TAS1R2: variants seen among roughly 807,000 people sequenced by gnomAD.
TAS1R2 encodes the protein taste receptor type 1 member 2.
Under a neutral mutation model 49.3 loss-of-function variants are expected in TAS1R2, and 47 were observed. The ratio of observed to expected loss-of-function variants is 0.95; its 90% CI spans 0.75 to 1.22. The LOEUF is 1.22. Ranked by LOEUF, TAS1R2 falls within the 50% of genes most tolerant of loss-of-function variation. TAS1R2 has a pLI of 0.00. For missense variants in TAS1R2, 1,155 were observed against 1,122.1 expected, an observed-to-expected ratio of 1.03 and a Z score of -0.42; for synonymous variants, 479 against 467.9, an observed-to-expected ratio of 1.02 and a Z score of -0.31.
intron 2 of TAS1R2, 41 bp downstream of exon 2, chr1:18,857,289 GC>G (rs746600375): frequency 5.0e-6 from 8 of 1,587,892 alleles, no homozygotes; most frequent in South Asian, 2.3e-5. Context: ...CCATTCCTCT[GC>G]CCCCCTCCCC....
chr1:18,843,143 A>G (rs1004992114), intron 4 of TAS1R2, among the ~76,000 whole-genome samples: 1 of 152,220 alleles, frequency 6.6e-6, no homozygotes, highest in African/African-American at 2.4e-5. Flanking sequence ...TTCACTCTCG[A>G]TCTCAATGTA....
chr1:18,854,433 C>T lies in TAS1R2; in HGVS notation c.1037G>A (p.Gly346Glu), dbSNP rs779315050. ...GCTGGTCCTGCTGAGGGGTGGCGGC[C>T]CAGCCTGTGGGCCCCACTCGCGGAA... Residue 346 changes from glycine (G) to glutamate (E), a missense_variant, in exon 3 of 6, where the codon GGG (glycine) becomes GAG (glutamate). By Grantham distance (98) the Gly-to-Glu change is moderately conservative (BLOSUM62 -2). Transcript: ENST00000375371. This position sits in a 1 kb window ranked among gnomAD's most constrained non-coding sequence, Gnocchi z 4.9. The T allele has an allele frequency of 2.7e-5, 44 of 1,614,000 alleles. No individual in the cohort carries two copies. The highest frequency in any genetic ancestry group is 3.5e-5 in the Non-Finnish European group (41 of 1,180,030).
At chr1:18,845,913 G>A (rs993757179) in intron 4 of TAS1R2, among the ~76,000 whole-genome samples, 1 of 152,196 alleles carries the variant, frequency 6.6e-6, no homozygotes, top group Non-Finnish European at 1.5e-5. Flanking sequence ...GTAAGCAGAA[G>A]AGAGAGATGA....
intron 4 of TAS1R2, among the ~76,000 whole-genome samples, chr1:18,843,149 A>G (rs920961095): frequency 7.2e-5 from 11 of 152,222 alleles, no homozygotes; most frequent in African/African-American, 2.4e-4. Flanking sequence ...CTCGATCTCA[A>G]TGTAGTCCAC....
intron 1 of TAS1R2, among the ~76,000 whole-genome samples, chr1:18,858,911 T>G (rs1257859678): frequency 6.6e-6 from 1 of 152,200 alleles, no homozygotes; most frequent in African/African-American, 2.4e-5. Context: ...AAGAGGTCAC[T>G]CTTTTTTAGT....
chr1:18,848,374 C>T (rs927483688), intron 4 of TAS1R2, among the ~76,000 whole-genome samples: 1 of 147,222 alleles, frequency 6.8e-6, no homozygotes, highest in African/African-American at 2.5e-5. Flanking sequence ...GTTTACTTTG[C>T]AGAGGTCTCT....
chr1:18,854,370 A>G lies in TAS1R2; in HGVS notation c.1100T>C (p.Leu367Pro). Reference sequence around the variant, plus strand: ...GGTGTTGAAGGACAAGGTGGCGTTCAGGCAGTTGTCGCACTCCTGGTTGCA... The same window carrying G: ...GGTGTTGAAGGACAAGGTGGCGTTCGGGCAGTTGTCGCACTCCTGGTTGCA... Residue 367 changes from leucine (L) to proline (P), a missense_variant, in exon 3 of 6, where the codon CTG becomes CCG. By Grantham distance (98) the Leu-to-Pro change is moderately conservative (BLOSUM62 -3). Coordinates refer to ENST00000375371, the Ensembl canonical transcript of TAS1R2. The surrounding 1 kb of genome is among the most constrained non-coding windows in gnomAD (Gnocchi z 4.9). The G allele has an allele frequency of 6.2e-7, 1 of 1,613,906 alleles. No individual in the cohort carries two copies. Among genetic ancestry groups the G allele is most frequent in the Non-Finnish European group, 8.5e-7 (1 of 1,179,900 alleles).
At chr1:18,857,247 T>C (rs1322303303) in intron 2 of TAS1R2, 84 bp downstream of exon 2, 18 of 1,427,922 alleles carry the variant, frequency 1.3e-5, no homozygotes, top group Non-Finnish European at 1.6e-5. Context: ...CCATGATTGA[T>C]GGAGGAAGTG....
chr1:18,849,210 A>G, intron 4 of TAS1R2, 131 bp downstream of exon 4: 1 of 989,704 alleles, frequency 1.0e-6, no homozygotes, highest in East Asian at 2.6e-5. Context: ...ATACACCCAC[A>G]AATAGACATC....
At position 18,854,892 on chromosome 1, in the gene TAS1R2, G is replaced by A; in HGVS notation, c.578C>T (p.Ala193Val). 6.2e-7 allele frequency: 1 copy of A among 1,613,088 alleles called. No individual in the cohort carries two copies. Among genetic ancestry groups the A allele is most frequent in the Non-Finnish European group, 8.5e-7 (1 of 1,179,896 alleles). Residue 193 changes from alanine to valine, a missense_variant, in exon 3 of 6, where the codon GCC (alanine) becomes GTC (valine). Transcript: ENST00000375371. The surrounding 1 kb of genome is among the most constrained non-coding windows in gnomAD (Gnocchi z 4.9). ...GAAGTGCAGCATCAGCTGCACCATG[G>A]CCTCGATGTGGTGGTCGGCGCTGGG...
chr1:18,850,194 G>A (rs1270223625), intron 3 of TAS1R2, among the ~76,000 whole-genome samples: 3 of 152,118 alleles, frequency 2.0e-5, no homozygotes, highest in Admixed American at 6.5e-5. Context: ...GGCATCCTCC[G>A]ACCTAAAGTC....
At chr1:18,844,763 AAG>A (rs1438685666) in intron 4 of TAS1R2, among the ~76,000 whole-genome samples, 2 of 14,148 alleles carry the variant, frequency 1.4e-4, no homozygotes, top group Non-Finnish European at 5.3e-4. Flanking sequence ...GAAAAAAAAG[AAG>A]AAGAAGAAGA....
chr1:18,853,722 A>C (rs1240332179), intron 3 of TAS1R2, among the ~76,000 whole-genome samples: 1 of 152,162 alleles, frequency 6.6e-6, no homozygotes, highest in Non-Finnish European at 1.5e-5. Context: ...TGCTCCTCTG[A>C]TCCTCAGTAA....
chr1:18,851,354 GTC>G (rs1934021192), intron 3 of TAS1R2, among the ~76,000 whole-genome samples: 2 of 152,038 alleles, frequency 1.3e-5, no homozygotes, highest in Non-Finnish European at 2.9e-5. Flanking sequence ...TTAAGACGGA[GTC>G]TCACTCTGTC....
intron 4 of TAS1R2, among the ~76,000 whole-genome samples, chr1:18,845,026 G>A (rs1234662444): frequency 6.6e-6 from 1 of 152,220 alleles, no homozygotes; most frequent in East Asian, 1.9e-4. Flanking sequence ...ACCAACTGCT[G>A]AAAGATCTAT....
intron 4 of TAS1R2, among the ~76,000 whole-genome samples, chr1:18,845,087 T>A (rs1279708148): frequency 6.6e-6 from 1 of 152,194 alleles, no homozygotes; most frequent in African/African-American, 2.4e-5. Flanking sequence ...GAATTTTCCT[T>A]CCCTGATTTC....
At chr1:18,842,255 G>A (rs367701375) in intron 4 of TAS1R2, among the ~76,000 whole-genome samples, 23 of 152,276 alleles carry the variant, frequency 1.5e-4, no homozygotes, top group Middle Eastern at 3.4e-3. Context: ...CAGGCTTACT[G>A]AAAGATTGAG....
At chr1:18,852,055 C>T (rs963684293) in intron 3 of TAS1R2, among the ~76,000 whole-genome samples, 4 of 152,320 alleles carry the variant, frequency 2.6e-5, no homozygotes, top group East Asian at 3.9e-4. Flanking sequence ...AGAATCAACG[C>T]GAAGCCAGAC....
intron 4 of TAS1R2, among the ~76,000 whole-genome samples, chr1:18,847,853 A>C (rs1933950463): frequency 6.6e-6 from 1 of 152,266 alleles, no homozygotes; most frequent in Admixed American, 6.5e-5. Context: ...TTACAGTTCC[A>C]CATGGCTGGG....
Sources: gnomAD v4.1 joint callset for allele counts (sites outside exome capture counted in the v4.1 genomes callset) on GRCh38, gnomAD v4.1.1 for gene constraint, Gnocchi (gnomAD v3.1) non-coding constraint, MANE v1.5 for transcripts, NCBI Gene and HGNC (gene_info 2026-07-23, HGNC 2026-07-21) for gene names.